Variants in MAP2K4 observed in about 807,000 individuals in gnomAD.
MAP2K4 encodes mitogen-activated protein kinase kinase 4.
In MAP2K4, 4 loss-of-function variants were observed where a neutral mutation model predicts 48.5. The ratio of observed to expected loss-of-function variants is 0.08; its 90% confidence interval spans 0.04 to 0.19. The LOEUF is 0.19. Among genes scored for constraint, MAP2K4 ranks in the 10% least tolerant of loss-of-function variants. The pLI is 1.00. For synonymous variants in MAP2K4, 166 were observed against 173.1 expected, an observed-to-expected ratio of 0.96 and a Z score of 0.32; for missense variants, 258 against 493.3, an observed-to-expected ratio of 0.52 and a Z score of 4.52.
chr17:12,101,584 T>A (rs79789530), intron 4 of MAP2K4, among the ~76,000 whole-genome samples: 1 of 152,152 alleles, frequency 6.6e-6, no homozygotes, highest in Non-Finnish European at 1.5e-5. Flanking sequence ...GAAATTTTTA[T>A]TGGGATTTTT....
rs1483523267 is a variant in MAP2K4 at position 12,081,146 on chromosome 17, A to G, written c.219-210A>G. Among the ~76,000 whole-genome samples the G allele has an allele frequency of 6.6e-6, 1 of 152,220 alleles. No homozygotes were observed. The highest frequency in any genetic ancestry group is 1.5e-5 in the Non-Finnish European group (1 of 68,038). On this transcript the variant is annotated intron_variant, in intron 2 of 10. Transcript: ENST00000353533. This position sits in a 1 kb window ranked among gnomAD's most constrained non-coding sequence, Gnocchi z 4.2. ...CAATTTGTTTTTATGAATCCCGTTG[A>G]AGCTGTGTCTATTGACTACCTAAAT...
Position 12,129,195 on chromosome 17 carries a change from A to G in MAP2K4, c.948A>G (p.Gln316=), listed in dbSNP as rs202076088. 9 of 1,614,192 alleles carry G rather than the reference A, an allele frequency of 5.6e-6. No individual in the cohort carries two copies. The highest frequency in any genetic ancestry group is 1.1e-5 in the South Asian group (1 of 91,088). The change falls in exon 9 of 11, where the codon CAA becomes CAG. Residue 316 remains glutamine, a synonymous_variant. Transcript: ENST00000353533. The stretch of plus-strand genomic sequence containing the variant: ...CAAAGTGGAATAGTGTATTTGATCA[A>G]CTAACACAAGTCGTGAAAGGAGATC... ...PYPKWNSVFD[Q]LTQVVKGDPP...
intron 1 of MAP2K4, among the ~76,000 whole-genome samples, chr17:12,038,130 A>T (rs1037528462): frequency 6.6e-6 from 1 of 152,194 alleles, no homozygotes; most frequent in South Asian, 2.1e-4. Context: ...CAGAACTTTC[A>T]GAGTTGAACA....
At chr17:12,093,731 G>T (rs1350044786) in intron 3 of MAP2K4, among the ~76,000 whole-genome samples, 2 of 151,940 alleles carry the variant, frequency 1.3e-5, no homozygotes, top group East Asian at 1.9e-4. Context: ...CCAACCAAAG[G>T]GTTATTTGAT....
At chr17:12,105,378 A>T (rs1972075491) in intron 4 of MAP2K4, among the ~76,000 whole-genome samples, 3 of 152,152 alleles carry the variant, frequency 2.0e-5, no homozygotes, top group Admixed American at 1.3e-4. Context: ...GGTTCTGCCT[A>T]TTTTATTAGA....
intron 1 of MAP2K4, among the ~76,000 whole-genome samples, chr17:12,046,320 G>A (rs1407118312): frequency 6.6e-6 from 1 of 152,146 alleles, no homozygotes; most frequent in Non-Finnish European, 1.5e-5. Context: ...TTGGAACATG[G>A]AATTGGGGTT....
intron 1 of MAP2K4, among the ~76,000 whole-genome samples, chr17:12,038,645 G>A (rs1453878700): frequency 6.6e-6 from 1 of 152,106 alleles, no homozygotes; most frequent in Non-Finnish European, 1.5e-5. Flanking sequence ...GAGCTATGTG[G>A]TAGAAATAAT....
rs543193081 is a variant in MAP2K4 at position 12,081,086 on chromosome 17, A to C, written c.219-270A>C. Among the ~76,000 whole-genome samples the C allele has an allele frequency of 2.0e-5, 3 of 152,336 alleles. No homozygotes were observed. The South Asian group carries it at 6.2e-4, about 32-fold the overall frequency. ...GAAAACTGATCTGCAGAATTAGTTTAATCAATAAATGGGAATTTTTAAAAA... is the reference window on the plus strand; with the variant it reads ...GAAAACTGATCTGCAGAATTAGTTTCATCAATAAATGGGAATTTTTAAAAA... On this transcript the variant is annotated intron_variant, in intron 2 of 10. Transcript: ENST00000353533. This position sits in a 1 kb window ranked among gnomAD's most constrained non-coding sequence, Gnocchi z 4.2.
At chr17:12,087,813 T>A (rs190980619) in intron 3 of MAP2K4, among the ~76,000 whole-genome samples, 2 of 152,226 alleles carry the variant, frequency 1.3e-5, no homozygotes, top group Admixed American at 1.3e-4. Flanking sequence ...AAGATTTACA[T>A]CTGTGATCAG....
intron 7 of MAP2K4, among the ~76,000 whole-genome samples, chr17:12,116,225 T>A (rs1191494161): frequency 6.6e-6 from 1 of 152,142 alleles, no homozygotes; most frequent in Non-Finnish European, 1.5e-5. Context: ...TTAGAATAAA[T>A]TATTCAAATC....
chr17:12,102,004 T>C (rs550666061), intron 4 of MAP2K4, among the ~76,000 whole-genome samples: 1 of 152,264 alleles, frequency 6.6e-6, no homozygotes, highest in Non-Finnish European at 1.5e-5. Context: ...ATTTTTGTCT[T>C]GCCTTATTGC....
chr17:12,085,142 C>G (rs922759878), intron 3 of MAP2K4, among the ~76,000 whole-genome samples: 1 of 152,032 alleles, frequency 6.6e-6, no homozygotes, highest in African/African-American at 2.4e-5. Context: ...TATGCATGCC[C>G]TTTTCATGTT....
intron 4 of MAP2K4, 48 bp from the exon 5 acceptor site, chr17:12,107,742 G>A (rs2151572668): frequency 1.4e-6 from 2 of 1,476,290 alleles, no homozygotes; most frequent in Non-Finnish European, 1.8e-6. Context: ...GTAAAGGCAA[G>A]GTGATATTTA....
chr17:12,067,173 A>C (rs1237742847), intron 2 of MAP2K4, among the ~76,000 whole-genome samples: 2 of 152,176 alleles, frequency 1.3e-5, no homozygotes, highest in Non-Finnish European at 2.9e-5. Context: ...TAGGTGTATT[A>C]TATATTTAAC....
intron 3 of MAP2K4, among the ~76,000 whole-genome samples, chr17:12,089,378 A>G (rs1484380996): frequency 1.3e-5 from 2 of 152,188 alleles, no homozygotes; most frequent in African/African-American, 2.4e-5. Flanking sequence ...TTGGTGGTAA[A>G]TTGGAAATGA....
intron 2 of MAP2K4, among the ~76,000 whole-genome samples, chr17:12,061,996 T>G (rs2151531642): frequency 6.6e-6 from 1 of 152,198 alleles, no homozygotes; most frequent in African/African-American, 2.4e-5. Flanking sequence ...TCATATATGG[T>G]TCACTGTGAA....
At chr17:12,069,693 C>T in intron 2 of MAP2K4, 1 of 1,013,730 alleles carries the variant, frequency 9.9e-7, no homozygotes, top group Non-Finnish European at 1.2e-6. Context: ...TTGGTAGTGC[C>T]AGGAAGCAGG....
At chr17:12,120,180 G>T (rs1269478486) in intron 7 of MAP2K4, among the ~76,000 whole-genome samples, 1 of 152,130 alleles carries the variant, frequency 6.6e-6, no homozygotes, top group African/African-American at 2.4e-5. Flanking sequence ...TAAAAATTAG[G>T]CCGGGCGCGG....
intron 4 of MAP2K4, among the ~76,000 whole-genome samples, chr17:12,099,584 G>A (rs1341472730): frequency 6.6e-6 from 1 of 152,086 alleles, no homozygotes; most frequent in Admixed American, 6.6e-5. Flanking sequence ...TTCTTTCTAG[G>A]ATGGAACCAA....
Sources: gnomAD v4.1 joint callset for allele counts (sites outside exome capture counted in the v4.1 genomes callset) on GRCh38, gnomAD v4.1.1 for gene constraint, Gnocchi (gnomAD v3.1) non-coding constraint, MANE v1.5 for transcripts, NCBI Gene and HGNC (gene_info 2026-07-23, HGNC 2026-07-21) for gene names.